Variants in THRA observed in about 807,000 individuals in gnomAD.
THRA encodes the protein EAR-7.
THRA carries 13 observed loss-of-function variants against 45.0 expected under a neutral mutation model. The ratio of observed to expected loss-of-function variants is 0.29; its 90% CI spans 0.19 to 0.46. The LOEUF (loss-of-function observed/expected upper bound fraction) is 0.46. Among genes scored for constraint, THRA ranks in the 20% least tolerant of loss-of-function variants. The pLI is 1.00. For missense variants in THRA, 278 were observed against 556.1 expected, an observed-to-expected ratio of 0.50 and a Z score of 5.03; for synonymous variants, 195 against 214.0, an observed-to-expected ratio of 0.91 and a Z score of 0.78.
Position 40,089,546 on chromosome 17 carries a change from A to G in THRA, c.*90A>G. Reference sequence around the variant, plus strand: ...TGGGGGCTGAGGGAGACCCCCCCACACCCCTTCTCTCCTTCCTCTCGTCCT... The same window carrying G: ...TGGGGGCTGAGGGAGACCCCCCCACGCCCCTTCTCTCCTTCCTCTCGTCCT... On this transcript the variant is annotated 3_prime_UTR_variant, in exon 9 of 9. Coordinates refer to ENST00000450525, the MANE Select transcript of THRA (RefSeq NM_199334.5). The surrounding 1 kb of genome is among the most constrained non-coding windows in gnomAD (Gnocchi z 6.1). 6.6e-7 allele frequency: 1 copy of G among 1,508,632 alleles called. No homozygotes were observed. The highest frequency in any genetic ancestry group is 1.3e-5 in the South Asian group (1 of 77,340). 93.5% of individuals were successfully genotyped at this position (1,508,632 alleles called of 1,614,324 possible). A position where few individuals can be genotyped will look rare whatever the true frequency, so the allele number is the denominator to read the frequency against.
chr17:40,084,720 A>G lies in THRA; in HGVS notation c.481A>G (p.Thr161Ala), dbSNP rs1987262463. 6.2e-7 allele frequency: 1 copy of G among 1,613,684 alleles called. No individual in the cohort carries two copies. The highest frequency in any genetic ancestry group is 8.5e-7 in the Non-Finnish European group (1 of 1,179,950). Residue 161 changes from threonine to alanine, a missense_variant, in exon 6 of 9, where the codon ACT becomes GCT. Coordinates refer to ENST00000450525, the MANE Select transcript of THRA (RefSeq NM_199334.5). Reference protein sequence around the residue: ...IRSLQQRPEPTPEEWDLIHIA... With the variant: ...IRSLQQRPEPAPEEWDLIHIA... ...ATCACTGCAGCAGCGACCAGAGCCC[A>G]CTCCTGAAGAGTGGGATCTGATCCA...
chr17:40,072,592 CACAG>C (rs902158963), intron 1 of THRA, among the ~76,000 whole-genome samples: 6 of 152,108 alleles, frequency 3.9e-5, no homozygotes, highest in African/African-American at 1.2e-4. Context: ...GACATTCAGA[CACAG>C]ACAGACAGAC....
At chr17:40,071,294 A>G (rs970400944) in intron 1 of THRA, among the ~76,000 whole-genome samples, 1 of 152,240 alleles carries the variant, frequency 6.6e-6, no homozygotes, top group African/African-American at 2.4e-5. Flanking sequence ...TCCTGGGGAC[A>G]GAAACTCCCC....
intron 4 of THRA, among the ~76,000 whole-genome samples, chr17:40,082,552 G>A (rs1189194528): frequency 6.6e-6 from 1 of 151,476 alleles, no homozygotes; most frequent in Non-Finnish European, 1.5e-5. Context: ...AGTAGAGATG[G>A]GGTTTCACCA....
At chr17:40,084,967 T>C (rs1321790863) in intron 6 of THRA, 152 bp downstream of exon 6, 15 of 853,542 alleles carry the variant, frequency 1.8e-5, no homozygotes, top group Non-Finnish European at 2.5e-5. Context: ...TTTTATACAC[T>C]TGTGTTTGTG....
intron 7 of THRA, among the ~76,000 whole-genome samples, chr17:40,088,036 T>G (rs890686285): frequency 1.3e-5 from 2 of 152,176 alleles, no homozygotes; most frequent in Non-Finnish European, 2.9e-5. Flanking sequence ...GCTGGCATTA[T>G]AGTCGTGAGC....
chr17:40,088,044 A>G (rs1987393916), intron 7 of THRA, among the ~76,000 whole-genome samples, 198 bp from the exon 8 acceptor site: 1 of 152,142 alleles, frequency 6.6e-6, no homozygotes, highest in South Asian at 2.1e-4. Flanking sequence ...TATAGTCGTG[A>G]GCCACTGCGC....
Position 40,081,968 on chromosome 17 carries a change from G to GA in THRA, c.223-1857dup, listed in dbSNP as rs950922398. Among the ~76,000 whole-genome samples, 10 of 146,496 alleles carry GA rather than the reference G, an allele frequency of 6.8e-5. No individual in the cohort carries two copies. The East Asian group carries it at 7.9e-4, about 12-fold the overall frequency. On this transcript the variant is annotated intron_variant, in intron 4 of 8. Transcript: ENST00000450525. ...ACAGAGTGAAACTTCATCTCAAAAA[G>GA]AAAAAAAAAATTAAATTAAAAAAAT...
At position 40,089,888 on chromosome 17, in the gene THRA, G is replaced by A. The variant is rs1987471012; in HGVS notation, c.*432G>A. Reference sequence around the variant, plus strand: ...TCCTTGGCCTAGGTCTCCCCTCCAGGCTGAGGGCCTCTCTACTTCCCCAGA... The same window carrying A: ...TCCTTGGCCTAGGTCTCCCCTCCAGACTGAGGGCCTCTCTACTTCCCCAGA... On this transcript the variant is annotated 3_prime_UTR_variant, in exon 9 of 9. Transcript: ENST00000450525. The surrounding 1 kb of genome is among the most constrained non-coding windows in gnomAD (Gnocchi z 6.1). 1 of 1,005,308 alleles carries A rather than the reference G, an allele frequency of 9.9e-7. No homozygotes were observed. Among genetic ancestry groups the A allele is most frequent in the Non-Finnish European group, 1.2e-6 (1 of 842,002 alleles). The allele number at this position is 1,005,308 out of a possible 1,614,324, so 62.3% of individuals were successfully genotyped here.
chr17:40,083,792 A>G (rs906382841), intron 4 of THRA, 43 bp from the exon 5 acceptor site: 6 of 1,549,240 alleles, frequency 3.9e-6, no homozygotes, highest in Non-Finnish European at 5.2e-6. Context: ...AGGAAGGGGA[A>G]GCCATGTCAT....
intron 4 of THRA, among the ~76,000 whole-genome samples, chr17:40,079,342 G>A (rs1407802952): frequency 6.6e-6 from 1 of 152,070 alleles, no homozygotes; most frequent in Non-Finnish European, 1.5e-5. Context: ...CACCTCTCGG[G>A]TTCAAGCAAT....
In THRA at chr17:40,092,943, G is replaced by A. The variant is rs903514551; in HGVS notation, c.*3487G>A. On this transcript the variant is annotated 3_prime_UTR_variant, in exon 9 of 9. Transcript: ENST00000450525. ...AGGTATTTACAAGAAGGCTCAGGGG[G>A]CCAGAGGCTCATCTTGGAATATTTT... 1.3e-6 allele frequency: 2 copies of A among 1,540,218 alleles called. No individual in the cohort carries two copies. The highest frequency in any genetic ancestry group is 1.3e-5 in the South Asian group (1 of 79,778).
At chr17:40,065,466 T>C (rs527924692) in intron 1 of THRA, among the ~76,000 whole-genome samples, 1 of 152,306 alleles carries the variant, frequency 6.6e-6, no homozygotes, top group East Asian at 1.9e-4. Flanking sequence ...TTGCTCTGTC[T>C]TGCAGTGTCT....
At position 40,091,553 on chromosome 17, in the gene THRA, C is replaced by T. The variant is rs1248361281; in HGVS notation, c.*2097C>T. The T allele has an allele frequency of 6.6e-6, 1 of 152,424 alleles. No individual in the cohort carries two copies. Among genetic ancestry groups the T allele is most frequent in the Non-Finnish European group, 1.5e-5 (1 of 68,280 alleles). The allele number at this position is 152,424 out of a possible 1,614,324, so 9.4% of individuals were successfully genotyped here. A position where few individuals can be genotyped will look rare whatever the true frequency, so the allele number is the denominator to read the frequency against. ...CCACGCCTGGGGGCCCAGTGGAATT[C>T]CTGACCTGTCTGCTGTCTTCCCCAT... On this transcript the variant is annotated 3_prime_UTR_variant, in exon 9 of 9. Transcript: ENST00000450525.
chr17:40,067,326 G>A (rs1986610499), intron 1 of THRA, among the ~76,000 whole-genome samples: 1 of 152,208 alleles, frequency 6.6e-6, no homozygotes, highest in Non-Finnish European at 1.5e-5. Context: ...AGCTCTGGGG[G>A]TGGGAGAGAG....
At chr17:40,067,794 G>T (rs1368373893) in intron 1 of THRA, among the ~76,000 whole-genome samples, 2 of 152,170 alleles carry the variant, frequency 1.3e-5, no homozygotes, top group African/African-American at 4.8e-5. Context: ...AAGGCGGGAG[G>T]ATCACTTGAG....
chr17:40,086,105 C>G (rs1341933568), intron 6 of THRA, among the ~76,000 whole-genome samples: 1 of 152,190 alleles, frequency 6.6e-6, no homozygotes, highest in East Asian at 1.9e-4. Flanking sequence ...GAGCAAGACC[C>G]TCTCTCAAAA....
At position 40,089,254 on chromosome 17, in the gene THRA, C is replaced by T. The variant is rs748812749; in HGVS notation, c.1031C>T (p.Ala344Val). 18 of 1,614,082 alleles carry T rather than the reference C, an allele frequency of 1.1e-5. No homozygotes were observed. Among genetic ancestry groups the T allele is most frequent in the East Asian group, 2.2e-5 (1 of 44,856 alleles). Residue 344 changes from alanine (A) to valine (V), a missense_variant, in exon 9 of 9, where the codon GCG becomes GTG. This residue lies in a region of THRA where 66 missense variants were observed against 94.7 expected (regional missense o/e 0.70). Coordinates refer to ENST00000450525, the MANE Select transcript of THRA (RefSeq NM_199334.5). The surrounding 1 kb of genome is among the most constrained non-coding windows in gnomAD (Gnocchi z 6.1). Reference protein sequence around the residue: ...CVDKIEKSQEAYLLAFEHYVN... With the variant: ...CVDKIEKSQEVYLLAFEHYVN... ...GACAAGATCGAGAAGAGTCAGGAGG[C>T]GTACCTGCTGGCGTTCGAGCACTAC...
rs752772647 is a variant in THRA at position 40,077,494 on chromosome 17, T to C, written c.122-14T>C. The C allele has an allele frequency of 2.6e-5, 42 of 1,612,014 alleles. No individual in the cohort carries two copies. Among genetic ancestry groups the C allele is most frequent in the Non-Finnish European group, 3.2e-5 (38 of 1,178,442 alleles). On this transcript the variant is annotated splice_polypyrimidine_tract_variant and intron_variant, in intron 3 of 8. Coordinates refer to ENST00000450525, the MANE Select transcript of THRA (RefSeq NM_199334.5). ...AGCCATGCCTGCCTTCCTCCATCCT[T>C]TCCTTCCTCCCAGGGTATATCCCTA...
Sources: gnomAD v4.1 joint callset for allele counts (sites outside exome capture counted in the v4.1 genomes callset) on GRCh38, gnomAD v4.1.1 for gene constraint, gnomAD v4.1.1 regional missense constraint, Gnocchi (gnomAD v3.1) non-coding constraint, MANE v1.5 for transcripts, NCBI Gene and HGNC (gene_info 2026-07-23, HGNC 2026-07-21) for gene names.